C16orf74: variants seen among roughly 807,000 people sequenced by gnomAD.
C16orf74 encodes the protein uncharacterized protein C16orf74.
Under a neutral mutation model 6.5 loss-of-function variants are expected in C16orf74, and 10 were observed. That is an observed-to-expected ratio of 1.54 (90% CI 0.95 to 2.61). The LOEUF (loss-of-function observed/expected upper bound fraction) is 2.61, where lower values mean the gene tolerates loss of function less well. Among genes scored for constraint, C16orf74 ranks in the 30% most tolerant of loss-of-function variants. The pLI, the probability that C16orf74 is intolerant of heterozygous loss-of-function variation, is 0.00. For synonymous variants in C16orf74, 60 were observed against 42.5 expected (o/e 1.41, Z -1.60); for missense variants, 141 against 105.9 (o/e 1.33, Z -1.45).
chr16:85,742,660 G>A (rs1379728249), intron 1 of C16orf74, among the ~76,000 whole-genome samples: 1 of 152,046 alleles, frequency 6.6e-6, no homozygotes. Flanking sequence ...TCCTGACTTA[G>A]CCTCCCGAGT....
Position 85,717,065 on chromosome 16 carries a change from C to T in C16orf74, c.29-6758G>A, listed in dbSNP as rs2054032551. 2.0e-5 allele frequency among the ~76,000 whole-genome samples: 3 copies of T among 152,332 alleles called. No homozygotes were observed. In the South Asian group the frequency reaches 6.2e-4, roughly 32 times the overall value. On this transcript the variant is annotated intron_variant, in intron 2 of 3. Transcript: ENST00000284245. The stretch of plus-strand genomic sequence containing the variant: ...GACCTCCCCACTTCCGGGGAGGCTT[C>T]GTGCTCCGGGTCACCAGGCCCTGAC...
intron 1 of C16orf74, among the ~76,000 whole-genome samples, chr16:85,737,767 G>T (rs1429761566): frequency 1.3e-5 from 2 of 152,110 alleles, no homozygotes; most frequent in Admixed American, 1.3e-4. Flanking sequence ...GGAGATGGAG[G>T]TTGCAGTGAA....
chr16:85,736,738 C>G (rs766421945), intron 1 of C16orf74, among the ~76,000 whole-genome samples: 5 of 152,202 alleles, frequency 3.3e-5, no homozygotes, highest in Non-Finnish European at 7.3e-5. Context: ...TATCTCAAGA[C>G]TTCACTTTCC....
chr16:85,735,586 G>T (rs1036944261), intron 1 of C16orf74, among the ~76,000 whole-genome samples: 1 of 152,136 alleles, frequency 6.6e-6, no homozygotes, highest in Non-Finnish European at 1.5e-5. Flanking sequence ...CCTTTCAAGA[G>T]CCACAGGACG....
intron 2 of C16orf74, among the ~76,000 whole-genome samples, chr16:85,725,976 C>CCGG (rs2054128909): frequency 6.6e-6 from 1 of 152,182 alleles, no homozygotes; most frequent in Non-Finnish European, 1.5e-5. Context: ...CCAGCTCAGC[C>CCGG]CGGCCTCCAT....
chr16:85,711,177 G>C (rs1332484035), intron 2 of C16orf74, among the ~76,000 whole-genome samples: 1 of 151,896 alleles, frequency 6.6e-6, no homozygotes, highest in Non-Finnish European at 1.5e-5. Flanking sequence ...AGCCCGGTGT[G>C]GTGGCACACA....
Position 85,732,552 on chromosome 16 carries a change from G to C in C16orf74, c.28+2638C>G, listed in dbSNP as rs944360460. Among the ~76,000 whole-genome samples the C allele has an allele frequency of 3.3e-5, 5 of 151,030 alleles. No homozygotes were observed. In the Admixed American group the frequency reaches 3.3e-4, roughly 10 times the overall value. ...GTGGTGGCACACGCCTGTAATCCCAGCTACTCAGGAGGCTGAGGCAGGAGA... is the reference window on the plus strand; with the variant it reads ...GTGGTGGCACACGCCTGTAATCCCACCTACTCAGGAGGCTGAGGCAGGAGA... On this transcript the variant is annotated intron_variant, in intron 2 of 3. Coordinates refer to ENST00000284245, the MANE Select transcript of C16orf74 (RefSeq NM_206967.3).
At chr16:85,724,772 A>G (rs1435804983) in intron 2 of C16orf74, among the ~76,000 whole-genome samples, 2 of 152,192 alleles carry the variant, frequency 1.3e-5, no homozygotes, top group African/African-American at 4.8e-5. Context: ...GAGCACATTC[A>G]TTCTGCAAAC....
intron 2 of C16orf74, 75 bp from the exon 3 acceptor site, chr16:85,710,382 G>A (rs2053957843): frequency 9.4e-6 from 13 of 1,388,464 alleles, no homozygotes; most frequent in South Asian, 4.6e-5. Flanking sequence ...GCCGGGAACC[G>A]CGGGCGCCAC....
chr16:85,715,305 A>G (rs2054012763), intron 2 of C16orf74, among the ~76,000 whole-genome samples: 1 of 152,148 alleles, frequency 6.6e-6, no homozygotes, highest in African/African-American at 2.4e-5. Context: ...CGCCCAGACA[A>G]TCTACTGGGG....
chr16:85,735,282 T>G (rs1433605894), intron 1 of C16orf74, 47 bp from the exon 2 acceptor site: 1 of 1,438,558 alleles, frequency 7.0e-7, no homozygotes. Context: ...GCGACTTGTT[T>G]GTATTGGCCA....
At chr16:85,741,499 G>A (rs914647409) in intron 1 of C16orf74, 3 of 162,402 alleles carry the variant, frequency 1.8e-5, no homozygotes, top group African/African-American at 4.8e-5. Context: ...GTGAGGGTCA[G>A]GCAGGTGCAG....
At chr16:85,727,212 T>G (rs761319663) in intron 2 of C16orf74, among the ~76,000 whole-genome samples, 4 of 152,164 alleles carry the variant, frequency 2.6e-5, no homozygotes, top group Non-Finnish European at 5.9e-5. Context: ...GCATTCACAC[T>G]GTCACGGGGC....
At chr16:85,720,050 CT>C (rs112970652) in intron 2 of C16orf74, among the ~76,000 whole-genome samples, 5,107 of 143,108 alleles carry the variant, frequency 0.036, 204 homozygotes, top group African/African-American at 0.1. Context: ...TGCGTTTAAT[CT>C]TTTTTTTTTT....
intron 2 of C16orf74, among the ~76,000 whole-genome samples, chr16:85,723,027 G>C (rs1182647738): frequency 6.6e-6 from 1 of 152,176 alleles, no homozygotes; most frequent in African/African-American, 2.4e-5. Flanking sequence ...GGGAGGCTGA[G>C]GCAAGTAGGT....
At chr16:85,729,219 CTG>C (rs2054163964) in intron 2 of C16orf74, among the ~76,000 whole-genome samples, 1 of 152,248 alleles carries the variant, frequency 6.6e-6, no homozygotes, top group Non-Finnish European at 1.5e-5. Context: ...GCCTCCCTGT[CTG>C]TAGAGTTCAG....
At chr16:85,732,750 A>T (rs1337865405) in intron 2 of C16orf74, among the ~76,000 whole-genome samples, 1 of 146,692 alleles carries the variant, frequency 6.8e-6, no homozygotes, top group Non-Finnish European at 1.5e-5. Flanking sequence ...GGGCCTCATC[A>T]CCTCCAGAGA....
chr16:85,725,118 G>A (rs988778205), intron 2 of C16orf74, among the ~76,000 whole-genome samples: 2 of 152,198 alleles, frequency 1.3e-5, no homozygotes, highest in Non-Finnish European at 2.9e-5. Context: ...TGCCCGCTCT[G>A]CCCTGGGCAG....
Position 85,721,926 on chromosome 16 carries a change from G to A in C16orf74, c.29-11619C>T, listed in dbSNP as rs567324707. ...ACCTACTGCAAAGGGGGTTATCAGC[G>A]CTAACAATTGCTACACACAGTTAGC... On this transcript the variant is annotated intron_variant, in intron 2 of 3. Transcript: ENST00000284245. Among the ~76,000 whole-genome samples, 12 of 150,518 alleles carry A rather than the reference G, an allele frequency of 8.0e-5. No homozygotes were observed. The East Asian group carries it at 9.8e-4, about 12-fold the overall frequency.
Sources: gnomAD v4.1 joint callset for allele counts (sites outside exome capture counted in the v4.1 genomes callset) on GRCh38, gnomAD v4.1.1 for gene constraint, MANE v1.5 for transcripts, NCBI Gene and HGNC (gene_info 2026-07-23, HGNC 2026-07-21) for gene names.